GRM7: variants seen among roughly 807,000 people sequenced by gnomAD.
GRM7 encodes glutamate metabotropic receptor 7, also known as metabotropic glutamate receptor 7.
GRM7 carries 35 observed loss-of-function variants against 84.5 expected under a neutral mutation model. The observed-to-expected ratio is 0.41, with a 90% confidence interval of 0.32 to 0.55. GRM7 has a LOEUF of 0.55. Ranked by LOEUF, GRM7 falls within the 20% of genes least tolerant of loss-of-function variation. The probability of loss-of-function intolerance (pLI) is 0.19; values close to 1 mark genes in which losing one functional copy is unlikely to be tolerated. For synonymous variants in GRM7, 487 were observed against 455.1 expected (o/e 1.07, Z -0.89); for missense variants, 1,003 against 1,194.6 (o/e 0.84, Z 2.36).
intron 1 of GRM7, among the ~76,000 whole-genome samples, chr3:7,057,888 C>T (rs1292030892): frequency 1.3e-5 from 2 of 151,832 alleles, no homozygotes; most frequent in Non-Finnish European, 2.9e-5. Context: ...TCTACTTAGG[C>T]AAATGAAGCA....
chr3:6,915,974 A>G (rs779450104), intron 1 of GRM7, among the ~76,000 whole-genome samples: 1 of 152,338 alleles, frequency 6.6e-6, no homozygotes, highest in Middle Eastern at 3.4e-3. Flanking sequence ...AGTGGTATAG[A>G]CAACAAATAA....
At chr3:7,124,228 ATACTT>A (rs1187651334) in intron 1 of GRM7, among the ~76,000 whole-genome samples, 1 of 152,226 alleles carries the variant, frequency 6.6e-6, no homozygotes, top group Non-Finnish European at 1.5e-5. Flanking sequence ...GATTCTGAAA[ATACTT>A]TAGTTGAAGA....
intron 2 of GRM7, among the ~76,000 whole-genome samples, chr3:7,184,312 T>C (rs1695443163): frequency 6.6e-6 from 1 of 152,162 alleles, no homozygotes; most frequent in Non-Finnish European, 1.5e-5. Flanking sequence ...TGTGATCTGT[T>C]TTTTAAATAT....
intron 1 of GRM7, among the ~76,000 whole-genome samples, chr3:6,938,606 T>C (rs17046415): frequency 0.15 from 22,092 of 152,114 alleles, 1,651 homozygotes; most frequent in Middle Eastern, 0.19. Context: ...ATTGACAAAA[T>C]CACTTCAATC....
intron 1 of GRM7, among the ~76,000 whole-genome samples, chr3:6,954,416 A>T (rs1197496404): frequency 6.6e-6 from 1 of 152,232 alleles, no homozygotes; most frequent in Non-Finnish European, 1.5e-5. Flanking sequence ...ATAAGCTTTC[A>T]TTATGTGCTA....
chr3:7,691,869 C>A (rs139832498), intron 9 of GRM7, among the ~76,000 whole-genome samples: 5 of 152,250 alleles, frequency 3.3e-5, no homozygotes, highest in African/African-American at 1.2e-4. Flanking sequence ...CCATGTTTGT[C>A]AGGCTGGTCT....
chr3:7,571,713 C>T (rs1208412780), intron 7 of GRM7, among the ~76,000 whole-genome samples: 1 of 152,182 alleles, frequency 6.6e-6, no homozygotes, highest in African/African-American at 2.4e-5. Flanking sequence ...TCCACATTTT[C>T]AGGTATCTTT....
intron 9 of GRM7, among the ~76,000 whole-genome samples, chr3:7,711,170 T>G (rs571322837): frequency 6.6e-6 from 1 of 152,188 alleles, no homozygotes; most frequent in African/African-American, 2.4e-5. Context: ...AGAATATGTA[T>G]GCAGAAAATC....
At chr3:7,250,436 A>G (rs1293599854) in intron 2 of GRM7, among the ~76,000 whole-genome samples, 1 of 151,880 alleles carries the variant, frequency 6.6e-6, no homozygotes, top group East Asian at 1.9e-4. Context: ...TTTACCAACT[A>G]AACATTTATT....
At chr3:7,660,969 CATAGATT>C (rs1699418051) in intron 8 of GRM7, among the ~76,000 whole-genome samples, 1 of 152,174 alleles carries the variant, frequency 6.6e-6, no homozygotes, top group Non-Finnish European at 1.5e-5. Flanking sequence ...TAAAAATCAA[CATAGATT>C]ATAGATTTAA....
intron 4 of GRM7, among the ~76,000 whole-genome samples, chr3:7,324,532 C>T (rs927651484): frequency 6.6e-6 from 1 of 152,108 alleles, no homozygotes; most frequent in Admixed American, 6.6e-5. Context: ...ATGGATTCCC[C>T]ATATGCCAGA....
intron 7 of GRM7, among the ~76,000 whole-genome samples, chr3:7,502,582 GTA>G (rs1040022553): frequency 2.1e-4 from 32 of 152,260 alleles, no homozygotes; most frequent in African/African-American, 7.7e-4. Flanking sequence ...GTGTGTGTGT[GTA>G]TGTGTGTGTG....
intron 4 of GRM7, among the ~76,000 whole-genome samples, chr3:7,357,418 A>G (rs1001821207): frequency 1.3e-5 from 2 of 151,992 alleles, no homozygotes; most frequent in Admixed American, 1.3e-4. Flanking sequence ...ACCCAGCACC[A>G]TAGAACTCAT....
At chr3:6,876,005 C>T (rs1042477826) in intron 1 of GRM7, among the ~76,000 whole-genome samples, 3 of 152,080 alleles carry the variant, frequency 2.0e-5, no homozygotes, top group Non-Finnish European at 2.9e-5. Context: ...TAGTGGCTCA[C>T]GCGTGTAACC....
At chr3:6,889,875 G>A (rs1695862700) in intron 1 of GRM7, among the ~76,000 whole-genome samples, 1 of 152,138 alleles carries the variant, frequency 6.6e-6, no homozygotes, top group Admixed American at 6.5e-5. Flanking sequence ...ACTCTTTTTG[G>A]TTGGTAAGCT....
intron 1 of GRM7, among the ~76,000 whole-genome samples, chr3:7,009,112 G>C (rs1260548137): frequency 1.3e-5 from 2 of 152,128 alleles, no homozygotes; most frequent in Non-Finnish European, 2.9e-5. Context: ...AAGACAAATA[G>C]ATCTGCTTTA....
intron 4 of GRM7, among the ~76,000 whole-genome samples, chr3:7,373,015 A>G (rs1285394588): frequency 6.6e-6 from 1 of 152,204 alleles, no homozygotes; most frequent in Non-Finnish European, 1.5e-5. Flanking sequence ...TTAGAACAGC[A>G]TATTTGAAAT....
At chr3:7,629,621 T>A (rs992683599) in intron 8 of GRM7, among the ~76,000 whole-genome samples, 3 of 152,288 alleles carry the variant, frequency 2.0e-5, no homozygotes, top group Middle Eastern at 3.4e-3. Context: ...ACAAATGGTA[T>A]GGGGACAACT....
intron 1 of GRM7, among the ~76,000 whole-genome samples, chr3:6,930,854 A>G (rs1299541302): frequency 6.6e-6 from 1 of 152,200 alleles, no homozygotes; most frequent in African/African-American, 2.4e-5. Flanking sequence ...AGAATATACT[A>G]GCTGCTGGCC....
Sources: gnomAD v4.1 joint callset for allele counts (sites outside exome capture counted in the v4.1 genomes callset) on GRCh38, gnomAD v4.1.1 for gene constraint, MANE v1.5 for transcripts, NCBI Gene and HGNC (gene_info 2026-07-23, HGNC 2026-07-21) for gene names.